Variants in CCN5 observed in about 807,000 individuals in gnomAD.
The protein encoded by CCN5 is cellular communication network factor 5.
In CCN5, 17 loss-of-function variants were observed where a neutral mutation model predicts 18.7. The observed-to-expected ratio is 0.91, with a 90% CI of 0.62 to 1.36. CCN5 has a LOEUF of 1.36. Among genes scored for constraint, CCN5 ranks in the 40% most tolerant of loss-of-function variants. CCN5 has a pLI of 0.00. For missense variants in CCN5, 367 were observed against 342.9 expected (o/e 1.07, Z -0.56); for synonymous variants, 135 against 145.2 (o/e 0.93, Z 0.50).
intron 2 of CCN5, among the ~76,000 whole-genome samples, chr20:44,721,831 A>C (rs1246839474): frequency 6.6e-6 from 1 of 152,168 alleles, no homozygotes; most frequent in Non-Finnish European, 1.5e-5. Flanking sequence ...TTCTCTTATA[A>C]ATGGAAAAAA....
chr20:44,721,076 T>A (rs1368599699), intron 2 of CCN5: 3 of 152,190 alleles, frequency 2.0e-5, no homozygotes, highest in Non-Finnish European at 4.4e-5. Context: ...TTTTCTTTTT[T>A]AATAATAAGC....
At chr20:44,721,511 CAAAAAAAAAAA>C (rs59320118) in intron 2 of CCN5, 2 of 53,634 alleles carry the variant, frequency 3.7e-5, no homozygotes, top group Non-Finnish European at 6.7e-5. Flanking sequence ...ACCCTATCTC[CAAAAAAAAAAA>C]AAAAAAAAAA....
chr20:44,724,688 G>A, intron 2 of CCN5, 50 bp from the exon 3 acceptor site: 1 of 1,608,652 alleles, frequency 6.2e-7, no homozygotes, highest in Non-Finnish European at 8.5e-7. Flanking sequence ...TGCAGAGAAG[G>A]CTGTGCCGCT....
intron 1 of CCN5, among the ~76,000 whole-genome samples, chr20:44,717,315 TATC>T (rs2065866261): frequency 1.3e-5 from 2 of 152,192 alleles, no homozygotes; most frequent in Non-Finnish European, 1.5e-5. Flanking sequence ...GAATAGTTGA[TATC>T]ATTAATAGCC....
chr20:44,720,284 C>T, intron 2 of CCN5, 171 bp downstream of exon 2: 1 of 694,968 alleles, frequency 1.4e-6, no homozygotes, highest in South Asian at 1.8e-5. Context: ...CCACTCCCTC[C>T]TCTCCCTTCT....
upstream of CCN5, chr20:44,715,224 T>G: frequency 1.4e-5 from 8 of 555,624 alleles, no homozygotes; most frequent in African/African-American, 2.4e-5. Context: ...AAAAAGCTAG[T>G]GTGTTTGTGT....
chr20:44,727,326 G>C lies in CCN5; in HGVS notation c.*19G>C. Reference sequence around the variant, plus strand: ...CTTCTAGAGCCGGGCTGGGAATGGGGACACGGTGTCCACCATCCCCAGCTG... The same window carrying C: ...CTTCTAGAGCCGGGCTGGGAATGGGCACACGGTGTCCACCATCCCCAGCTG... On this transcript the variant is annotated 3_prime_UTR_variant, in exon 4 of 4. Coordinates refer to ENST00000190983, the MANE Select transcript of CCN5 (RefSeq NM_003881.4). 6.3e-7 allele frequency: 1 copy of C among 1,594,172 alleles called. No homozygotes were observed. Among genetic ancestry groups the C allele is most frequent in the South Asian group, 1.1e-5 (1 of 88,654 alleles).
chr20:44,715,198 A>G (rs182715422), upstream of CCN5: 2,225 of 593,160 alleles, frequency 3.8e-3, 92 homozygotes, highest in Admixed American at 0.055. Flanking sequence ...GAGGATGGGA[A>G]GCGAAGCAAG....
Position 44,727,496 on chromosome 20 carries a change from G to T in CCN5, c.*189G>T. 7.0e-7 allele frequency: 1 copy of T among 1,421,210 alleles called. No homozygotes were observed. The highest frequency in any genetic ancestry group is 1.6e-5 in the South Asian group (1 of 62,784). 88.0% of individuals were successfully genotyped at this position (1,421,210 alleles called of 1,614,324 possible). Reference sequence around the variant, plus strand: ...TCTGTCTGGATCCCGAGGTATGGCAGAGGTGCAAGACCTAGTCCCCTTTCC... The same window carrying T: ...TCTGTCTGGATCCCGAGGTATGGCATAGGTGCAAGACCTAGTCCCCTTTCC... On this transcript the variant is annotated 3_prime_UTR_variant, in exon 4 of 4. Coordinates refer to ENST00000190983, the MANE Select transcript of CCN5 (RefSeq NM_003881.4).
intron 3 of CCN5, among the ~76,000 whole-genome samples, chr20:44,725,323 A>G (rs1012678379): frequency 6.6e-6 from 1 of 152,120 alleles, no homozygotes; most frequent in Non-Finnish European, 1.5e-5. Flanking sequence ...CTGTAGTCCC[A>G]GCTACTTGGG....
upstream of CCN5, chr20:44,715,234 T>C: frequency 2.0e-6 from 1 of 507,554 alleles, no homozygotes; most frequent in South Asian, 2.0e-5. Context: ...TGTGTTTGTG[T>C]GTGTGTGTGT....
chr20:44,724,765 T>C lies in CCN5; in HGVS notation c.305T>C (p.Val102Ala). 6.2e-7 allele frequency: 1 copy of C among 1,612,452 alleles called. No homozygotes were observed. The highest frequency in any genetic ancestry group is 8.5e-7 in the Non-Finnish European group (1 of 1,179,774). The part of the protein sequence containing the change: ...LLAEDDSSCE[V>A]NGRLYREGET... The stretch of plus-strand genomic sequence containing the variant: ...GCAGAGGACGACAGCAGCTGTGAGG[T>C]GAACGGCCGCCTGTATCGGGAAGGG... The change falls in exon 3 of 4, where the codon GTG becomes GCG. Residue 102 changes from valine to alanine, a missense_variant. By Grantham distance (64) the Val-to-Ala change is moderately conservative. Coordinates refer to ENST00000190983, the MANE Select transcript of CCN5 (RefSeq NM_003881.4).
chr20:44,720,090 G>A lies in CCN5; in HGVS notation c.254G>A (p.Gly85Asp). 1 of 1,559,922 alleles carries A rather than the reference G, an allele frequency of 6.4e-7. No individual in the cohort carries two copies. Among genetic ancestry groups the A allele is most frequent in the Non-Finnish European group, 8.6e-7 (1 of 1,158,854 alleles). ...GLVCQPGAGP[G>D]GRGALCLLAE... The stretch of plus-strand genomic sequence containing the variant: ...GTCTGCCAGCCCGGGGCAGGACCCG[G>A]TGGCCGGGGGGCCCTGTGCCTCTGT... The change falls in exon 2 of 4, where the codon GGT (glycine) becomes GAT (aspartate). Residue 85 changes from glycine to aspartate, a missense_variant. By Grantham distance (94) the Gly-to-Asp change is moderately conservative. Transcript: ENST00000190983.
At chr20:44,718,735 A>G (rs1600989171) in intron 1 of CCN5, among the ~76,000 whole-genome samples, 1 of 152,104 alleles carries the variant, frequency 6.6e-6, no homozygotes, top group East Asian at 1.9e-4. Context: ...AATCGAACAC[A>G]CTGACGTGTG....
upstream of CCN5, chr20:44,715,246 TGTGTGTGTGTGTGTGAGC>T (rs1301355894): frequency 7.1e-5 from 39 of 549,312 alleles, 2 homozygotes; most frequent in African/African-American, 9.5e-5. Flanking sequence ...TGTGTGTGTG[TGTGTGTGTGTGTGTGAGC>T]GCGCGCGCGC....
chr20:44,715,090 ACACGCG>A, upstream of CCN5: 2 of 317,432 alleles, frequency 6.3e-6, no homozygotes, highest in South Asian at 3.5e-5. Context: ...TCACACACAC[ACACGCG>A]CACACACACA....
At chr20:44,720,343 C>G in intron 2 of CCN5, 1 of 549,106 alleles carries the variant, frequency 1.8e-6, no homozygotes. Flanking sequence ...TTCCCCATCC[C>G]TACCTGTCCA....
At chr20:44,725,193 G>T (rs1450660383) in intron 3 of CCN5, among the ~76,000 whole-genome samples, 1 of 151,412 alleles carries the variant, frequency 6.6e-6, no homozygotes, top group Non-Finnish European at 1.5e-5. Context: ...ATCCCAGTAC[G>T]TTGGGAGGCC....
chr20:44,715,908 A>G (rs2065856716), intron 1 of CCN5, among the ~76,000 whole-genome samples: 1 of 152,248 alleles, frequency 6.6e-6, no homozygotes, highest in South Asian at 2.1e-4. Context: ...TTGGACTCTT[A>G]GGCAGTGAGT....
Sources: allele counts gnomAD v4.1 joint callset (sites outside exome capture counted in the v4.1 genomes callset), GRCh38; gene constraint gnomAD v4.1.1; transcripts MANE v1.5; gene names NCBI Gene and HGNC (gene_info 2026-07-23, HGNC 2026-07-21).